Variants in GALNT17 observed in about 807,000 individuals in gnomAD.
GALNT17 encodes UDP-GalNAc:polypeptide N-acetylgalactosaminyltransferase-like 3.
GALNT17 carries 29 observed loss-of-function variants against 63.7 expected under a neutral mutation model. The ratio of observed to expected loss-of-function variants is 0.46; its 90% CI spans 0.34 to 0.62. The LOEUF is 0.62. Ranked by LOEUF, GALNT17 falls within the 20% of genes least tolerant of loss-of-function variation. The pLI is 0.01. For synonymous variants in GALNT17, 305 were observed against 318.3 expected (o/e 0.96, Z 0.45); for missense variants, 603 against 799.6 (o/e 0.75, Z 2.97).
At chr7:71,265,116 A>ATTT (rs1562957669) in intron 1 of GALNT17, among the ~76,000 whole-genome samples, 8 of 59,032 alleles carry the variant, frequency 1.4e-4, no homozygotes, top group African/African-American at 5.5e-4. Flanking sequence ...ATATATATAT[A>ATTT]TATTTTTTTT....
chr7:71,541,709 C>T (rs955217100), intron 5 of GALNT17, among the ~76,000 whole-genome samples: 3 of 152,170 alleles, frequency 2.0e-5, no homozygotes, highest in Non-Finnish European at 2.9e-5. Flanking sequence ...TTCCCTGATT[C>T]CTAACAATGT....
intron 5 of GALNT17, among the ~76,000 whole-genome samples, chr7:71,494,886 A>G (rs887689727): frequency 6.6e-6 from 1 of 152,210 alleles, no homozygotes; most frequent in Non-Finnish European, 1.5e-5. Context: ...TTATACAACC[A>G]TCAGATCGCG....
At chr7:71,292,236 T>A (rs999161978) in intron 1 of GALNT17, among the ~76,000 whole-genome samples, 12 of 151,920 alleles carry the variant, frequency 7.9e-5, no homozygotes, top group African/African-American at 2.9e-4. Context: ...TGGCTTAGAG[T>A]AATGGGTTGC....
At chr7:71,256,333 A>G (rs930296232) in intron 1 of GALNT17, among the ~76,000 whole-genome samples, 1 of 152,208 alleles carries the variant, frequency 6.6e-6, no homozygotes, top group African/African-American at 2.4e-5. Flanking sequence ...GCACTTTGGG[A>G]GGCTGAGGCA....
chr7:71,672,765 G>A (rs1278640316), intron 8 of GALNT17, among the ~76,000 whole-genome samples: 1 of 152,076 alleles, frequency 6.6e-6, no homozygotes, highest in African/African-American at 2.4e-5. Flanking sequence ...TGGCCAGGCT[G>A]CTCTTGAACT....
chr7:71,538,347 T>C (rs1788833291), intron 5 of GALNT17, among the ~76,000 whole-genome samples: 1 of 152,118 alleles, frequency 6.6e-6, no homozygotes, highest in Non-Finnish European at 1.5e-5. Context: ...AACCTCTTAT[T>C]CCATCAGCCC....
chr7:71,305,790 C>A (rs572302405), intron 1 of GALNT17, among the ~76,000 whole-genome samples: 72 of 152,284 alleles, frequency 4.7e-4, no homozygotes, highest in African/African-American at 1.7e-3. Flanking sequence ...ACTAACTCCA[C>A]GGACTGGCCT....
Position 71,197,356 on chromosome 7 carries a change from C to T in GALNT17, c.238+64316C>T, listed in dbSNP as rs574231925. ...CTGGGACTACAGGCACCTGCCACCACGGCCGGCTAATTTTTTTTTTTTTTT... is the reference window on the plus strand; with the variant it reads ...CTGGGACTACAGGCACCTGCCACCATGGCCGGCTAATTTTTTTTTTTTTTT... On this transcript the variant is annotated intron_variant, in intron 1 of 10. Coordinates refer to ENST00000333538, the MANE Select transcript of GALNT17 (RefSeq NM_022479.3). Among the ~76,000 whole-genome samples, 5 of 144,140 alleles carry T rather than the reference C, an allele frequency of 3.5e-5. 1 individual carries two copies. The highest frequency in any genetic ancestry group is 4.4e-4 in the South Asian group (2 of 4,588). The allele number at this position is 144,140 out of a possible 152,430, so 94.6% of individuals were successfully genotyped here.
At chr7:71,309,706 A>G (rs752813189) in intron 1 of GALNT17, among the ~76,000 whole-genome samples, 5 of 152,174 alleles carry the variant, frequency 3.3e-5, no homozygotes, top group Non-Finnish European at 7.3e-5. Context: ...AATTCCCATA[A>G]TAAAGGGTGG....
At chr7:71,577,748 G>A (rs545964285) in intron 6 of GALNT17, among the ~76,000 whole-genome samples, 53 of 152,292 alleles carry the variant, frequency 3.5e-4, no homozygotes, top group Middle Eastern at 6.8e-3. Flanking sequence ...TAACCCAGAT[G>A]CCTTAATTGC....
At chr7:71,489,865 T>C (rs1336697536) in intron 5 of GALNT17, among the ~76,000 whole-genome samples, 2 of 152,202 alleles carry the variant, frequency 1.3e-5, no homozygotes, top group African/African-American at 4.8e-5. Flanking sequence ...ATGTTCATCA[T>C]AGATAAGGAA....
intron 1 of GALNT17, among the ~76,000 whole-genome samples, chr7:71,233,216 T>C (rs1789826457): frequency 1.3e-5 from 2 of 152,132 alleles, no homozygotes; most frequent in South Asian, 2.1e-4. Flanking sequence ...CTATGAGTTA[T>C]TGAGCTGACA....
intron 5 of GALNT17, among the ~76,000 whole-genome samples, chr7:71,544,487 T>C (rs1243874268): frequency 6.6e-6 from 1 of 152,000 alleles, no homozygotes; most frequent in Admixed American, 6.6e-5. Flanking sequence ...TCTGCAATAA[T>C]AGGGGTTAGT....
chr7:71,621,956 G>A (rs374943731), intron 6 of GALNT17, among the ~76,000 whole-genome samples: 8 of 152,324 alleles, frequency 5.3e-5, no homozygotes, highest in African/African-American at 1.4e-4. Flanking sequence ...ATTCCTGCAT[G>A]GATATCTTGG....
intron 2 of GALNT17, among the ~76,000 whole-genome samples, chr7:71,365,217 G>A (rs1792481420): frequency 6.6e-6 from 1 of 152,080 alleles, no homozygotes; most frequent in Non-Finnish European, 1.5e-5. Context: ...ACAGGCATAA[G>A]CCACCACATC....
chr7:71,697,083 C>T (rs754633328), intron 9 of GALNT17, among the ~76,000 whole-genome samples: 5 of 152,054 alleles, frequency 3.3e-5, no homozygotes, highest in Admixed American at 6.6e-5. Context: ...GTTGAGAAAC[C>T]TCATATCATC....
intron 1 of GALNT17, among the ~76,000 whole-genome samples, chr7:71,323,603 A>T (rs1486006844): frequency 2.0e-5 from 3 of 152,364 alleles, no homozygotes; most frequent in Middle Eastern, 3.4e-3. Context: ...GTCAACAAAT[A>T]TCAAGATCAT....
chr7:71,707,159 ATT>A (rs35262295), intron 9 of GALNT17, among the ~76,000 whole-genome samples: 6 of 151,732 alleles, frequency 4.0e-5, no homozygotes, highest in Non-Finnish European at 7.4e-5. Flanking sequence ...GATGCAGAGT[ATT>A]TTTTTTTAAT....
intron 5 of GALNT17, among the ~76,000 whole-genome samples, chr7:71,467,633 C>A (rs572708033): frequency 6.6e-6 from 1 of 152,176 alleles, no homozygotes; most frequent in South Asian, 2.1e-4. Context: ...TCCTGCTTAT[C>A]TGACCCCTTC....
Sources: gnomAD v4.1 joint callset for allele counts (sites outside exome capture counted in the v4.1 genomes callset) on GRCh38, gnomAD v4.1.1 for gene constraint, MANE v1.5 for transcripts, NCBI Gene and HGNC (gene_info 2026-07-23, HGNC 2026-07-21) for gene names.